Variants in LAMP1 observed in about 807,000 individuals in gnomAD.
LAMP1 encodes the protein lysosome-associated membrane glycoprotein 1.
In LAMP1, 7 loss-of-function variants were observed where a neutral mutation model predicts 37.5. The observed-to-expected ratio is 0.19, with a 90% confidence interval of 0.11 to 0.35. LAMP1 has a LOEUF of 0.35. Among genes scored for constraint, LAMP1 ranks in the 10% least tolerant of loss-of-function variants. The pLI, the probability that LAMP1 is intolerant of heterozygous loss-of-function variation, is 1.00. For missense variants in LAMP1, 537 were observed against 552.8 expected (o/e 0.97, Z 0.29); for synonymous variants, 236 against 229.1 (o/e 1.03, Z -0.27).
At position 113,297,571 on chromosome 13, in the gene LAMP1, A is replaced by G. The variant is rs1388932872; in HGVS notation, c.61+76A>G. The G allele has an allele frequency of 3.7e-5, 44 of 1,186,248 alleles. No homozygotes were observed. The highest frequency in any genetic ancestry group is 4.5e-5 in the Non-Finnish European group (43 of 954,826). 73.5% of individuals were successfully genotyped at this position (1,186,248 alleles called of 1,614,324 possible). The stretch of plus-strand genomic sequence containing the variant: ...GGTCCCTGGGTCTTGAGGGCGGGGG[A>G]CTGCCGGGTCGTTGTCCCGCGGGTC... On this transcript the variant is annotated intron_variant, in intron 1 of 8. Transcript: ENST00000332556. This position sits in a 1 kb window ranked among gnomAD's most constrained non-coding sequence, Gnocchi z 4.4.
At position 113,297,744 on chromosome 13, in the gene LAMP1, C is replaced by G. The variant is rs2042550542; in HGVS notation, c.61+249C>G. ...AGGACCTGGCTCCTCTAAGGTCTGT[C>G]TCACTGAACTCAGTTTTTCTGTGGT... is the stretch of plus-strand genomic sequence containing the variant. On this transcript the variant is annotated intron_variant, in intron 1 of 8. Coordinates refer to ENST00000332556, the MANE Select transcript of LAMP1 (RefSeq NM_005561.4). The surrounding 1 kb of genome is among the most constrained non-coding windows in gnomAD (Gnocchi z 4.4). Among the ~76,000 whole-genome samples, 1 of 152,224 alleles carries G rather than the reference C, an allele frequency of 6.6e-6. No homozygotes were observed. Among genetic ancestry groups the G allele is most frequent in the Non-Finnish European group, 1.5e-5 (1 of 68,036 alleles).
chr13:113,318,958 C>T (rs2042681868), intron 4 of LAMP1, among the ~76,000 whole-genome samples: 1 of 152,166 alleles, frequency 6.6e-6, no homozygotes, highest in South Asian at 2.1e-4. Flanking sequence ...TGCTGCAGAC[C>T]CTCTGTTTCC....
rs757674594 is a variant in LAMP1 at position 113,320,775 on chromosome 13, T to C, written c.876+305T>C. 10 of 398,376 alleles carry C rather than the reference T, an allele frequency of 2.5e-5. No individual in the cohort carries two copies. The highest frequency in any genetic ancestry group is 4.6e-5 in the Non-Finnish European group (10 of 219,108). The allele number at this position is 398,376 out of a possible 1,614,324, so 24.7% of individuals were successfully genotyped here. ...GCTGCCCTGTGGTTCCGTGGTGGCATTTCTGCCTGGGAGGACTCCTGTGCA... is the reference window on the plus strand; with the variant it reads ...GCTGCCCTGTGGTTCCGTGGTGGCACTTCTGCCTGGGAGGACTCCTGTGCA... On this transcript the variant is annotated intron_variant, in intron 6 of 8. Coordinates refer to ENST00000332556, the MANE Select transcript of LAMP1 (RefSeq NM_005561.4). This position sits in a 1 kb window ranked among gnomAD's most constrained non-coding sequence, Gnocchi z 4.4.
At chr13:113,310,583 A>AT (rs570984891) in intron 3 of LAMP1, 126 bp from the exon 4 acceptor site, 6,577 of 730,168 alleles carry the variant, frequency 9.0e-3, no homozygotes, top group South Asian at 0.015. Context: ...TGCAATTGTG[A>AT]TTTTTTTTTT....
Position 113,320,557 on chromosome 13 carries a change from C to T in LAMP1, c.876+87C>T, listed in dbSNP as rs986107431. On this transcript the variant is annotated intron_variant, in intron 6 of 8. Coordinates refer to ENST00000332556, the MANE Select transcript of LAMP1 (RefSeq NM_005561.4). This position sits in a 1 kb window ranked among gnomAD's most constrained non-coding sequence, Gnocchi z 4.4. ...CCCTGGGTCTGCTCATGGGAGGCAGCGTTAGGAAGGAGGCGGCCTCACTTT... is the reference window on the plus strand; with the variant it reads ...CCCTGGGTCTGCTCATGGGAGGCAGTGTTAGGAAGGAGGCGGCCTCACTTT... The T allele has an allele frequency of 3.8e-5, 55 of 1,450,640 alleles. No individual in the cohort carries two copies. The highest frequency in any genetic ancestry group is 1.7e-4 in the Admixed American group (8 of 47,050). The allele number at this position is 1,450,640 out of a possible 1,614,324, so 89.9% of individuals were successfully genotyped here.
intron 1 of LAMP1, 132 bp from the exon 2 acceptor site, chr13:113,306,353 C>CAA (rs11423377): frequency 0.13 from 95,948 of 734,350 alleles, 2 homozygotes; most frequent in Middle Eastern, 0.16. Flanking sequence ...GACTCCGTCT[C>CAA]AAAAAAAAAA....
chr13:113,320,223 T>C lies in LAMP1; in HGVS notation c.751-122T>C. 8.5e-7 allele frequency: 1 copy of C among 1,180,948 alleles called. No individual in the cohort carries two copies. The highest frequency in any genetic ancestry group is 1.8e-5 in the Admixed American group (1 of 55,186). The allele number at this position is 1,180,948 out of a possible 1,614,324, so 73.2% of individuals were successfully genotyped here. On this transcript the variant is annotated intron_variant, in intron 5 of 8. Transcript: ENST00000332556. The surrounding 1 kb of genome is among the most constrained non-coding windows in gnomAD (Gnocchi z 4.4). Reference sequence around the variant, plus strand: ...CTGTACTAGTGTGGTCTTTCAGTGTTTTCCTTCTGGTTTTGGTTAAAACAA... The same window carrying C: ...CTGTACTAGTGTGGTCTTTCAGTGTCTTCCTTCTGGTTTTGGTTAAAACAA...
intron 1 of LAMP1, chr13:113,306,228 G>A (rs1377295346): frequency 3.6e-6 from 1 of 275,348 alleles, no homozygotes; most frequent in South Asian, 4.2e-5. Flanking sequence ...TTGGTGGCAC[G>A]TGCCTGCAGT....
chr13:113,301,675 ATATATATATATATATATT>A (rs2042574976), intron 1 of LAMP1, among the ~76,000 whole-genome samples: 2 of 133,334 alleles, frequency 1.5e-5, no homozygotes, highest in Admixed American at 7.7e-5. Context: ...ATATATATAT[ATATATATATATATATATT>A]TACACACACA....
chr13:113,311,788 C>T (rs1341890394), intron 4 of LAMP1, among the ~76,000 whole-genome samples: 5 of 152,164 alleles, frequency 3.3e-5, no homozygotes, highest in Admixed American at 3.3e-4. Flanking sequence ...GAAATGTATG[C>T]AAAATGTGTA....
rs1223603214 is a variant in LAMP1 at position 113,321,153 on chromosome 13, C to G, written c.877-251C>G. ...CGTGATCACTCCACTGCACTCCAGC[C>G]TGGGTGACAGAGCAAGACTCTCAGA... is the stretch of plus-strand genomic sequence containing the variant. On this transcript the variant is annotated intron_variant, in intron 6 of 8. Coordinates refer to ENST00000332556, the MANE Select transcript of LAMP1 (RefSeq NM_005561.4). This position sits in a 1 kb window ranked among gnomAD's most constrained non-coding sequence, Gnocchi z 5.6. The G allele has an allele frequency of 2.1e-6, 1 of 473,976 alleles. No homozygotes were observed. Among genetic ancestry groups the G allele is most frequent in the Non-Finnish European group, 3.8e-6 (1 of 259,802 alleles). 29.4% of individuals were successfully genotyped at this position (473,976 alleles called of 1,614,324 possible). A position where few individuals can be genotyped will look rare whatever the true frequency, so the allele number is the denominator to read the frequency against.
intron 1 of LAMP1, among the ~76,000 whole-genome samples, chr13:113,301,678 T>A (rs2042574990): frequency 3.3e-5 from 3 of 90,150 alleles, no homozygotes; most frequent in South Asian, 4.0e-4. Flanking sequence ...TATATATATA[T>A]ATATATATAT....
At chr13:113,317,989 A>G (rs964694446) in intron 4 of LAMP1, among the ~76,000 whole-genome samples, 1 of 152,192 alleles carries the variant, frequency 6.6e-6, no homozygotes, top group Non-Finnish European at 1.5e-5. Context: ...TGCGCCCAGC[A>G]AGTGAAGCTG....
chr13:113,303,914 G>A (rs1485325251), intron 1 of LAMP1, among the ~76,000 whole-genome samples: 1 of 151,952 alleles, frequency 6.6e-6, no homozygotes, highest in Non-Finnish European at 1.5e-5. Context: ...TGTCTACCCC[G>A]TCTCTACTAA....
At chr13:113,301,773 C>T (rs1221635013) in intron 1 of LAMP1, among the ~76,000 whole-genome samples, 1 of 146,470 alleles carries the variant, frequency 6.8e-6, no homozygotes, top group East Asian at 2.0e-4. Flanking sequence ...TTTAGTTCTT[C>T]ATAAATGATT....
intron 4 of LAMP1, among the ~76,000 whole-genome samples, chr13:113,314,317 C>T (rs2042648447): frequency 7.9e-6 from 1 of 126,784 alleles, no homozygotes; most frequent in Non-Finnish European, 1.6e-5. Flanking sequence ...GCGTGGCCTC[C>T]TGGAGGGAGC....
rs1219452411 is a variant in LAMP1, at chr13:113,297,626, C to A, written c.61+131C>A. On this transcript the variant is annotated intron_variant, in intron 1 of 8. Coordinates refer to ENST00000332556, the MANE Select transcript of LAMP1 (RefSeq NM_005561.4). This position sits in a 1 kb window ranked among gnomAD's most constrained non-coding sequence, Gnocchi z 4.4. ...CGCACCCACTGCTCCTGGTCCCGGCCGGCTCTGCCCGCGGGCGGGTGTTTC... is the reference window on the plus strand; with the variant it reads ...CGCACCCACTGCTCCTGGTCCCGGCAGGCTCTGCCCGCGGGCGGGTGTTTC... The A allele has an allele frequency of 7.6e-5, 64 of 846,550 alleles. No individual in the cohort carries two copies. Among genetic ancestry groups the A allele is most frequent in the Non-Finnish European group, 9.6e-5 (63 of 658,200 alleles). The allele number at this position is 846,550 out of a possible 1,614,324, so 52.4% of individuals were successfully genotyped here.
At chr13:113,302,435 C>T (rs2042579485) in intron 1 of LAMP1, among the ~76,000 whole-genome samples, 1 of 152,236 alleles carries the variant, frequency 6.6e-6, no homozygotes, top group Non-Finnish European at 1.5e-5. Flanking sequence ...GGTGATCCGC[C>T]TGCCTCAGCC....
chr13:113,310,916 G>T (rs2042627896), intron 4 of LAMP1, 49 bp downstream of exon 4: 1 of 1,525,158 alleles, frequency 6.6e-7, no homozygotes, highest in African/African-American at 1.4e-5. Flanking sequence ...GGGTAGCTGG[G>T]CTGCAGTGGC....
Sources: allele counts gnomAD v4.1 joint callset (sites outside exome capture counted in the v4.1 genomes callset), GRCh38; gene constraint gnomAD v4.1.1; non-coding constraint Gnocchi (gnomAD v3.1); transcripts MANE v1.5; gene names NCBI Gene and HGNC (gene_info 2026-07-23, HGNC 2026-07-21).